STT3B: variants seen among roughly 807,000 people sequenced by gnomAD.
STT3B encodes the protein STT3 oligosaccharyltransferase complex catalytic subunit B.
In STT3B, 29 loss-of-function variants were observed where a neutral mutation model predicts 96.8. That is an observed-to-expected ratio of 0.30 (90% CI 0.22 to 0.41). STT3B has a LOEUF of 0.41. Ranked by LOEUF, STT3B falls within the 10% of genes least tolerant of loss-of-function variation. The probability of loss-of-function intolerance (pLI) is 1.00; values close to 1 mark genes in which losing one functional copy is unlikely to be tolerated. For synonymous variants in STT3B, 367 were observed against 360.0 expected, an observed-to-expected ratio of 1.02 and a Z score of -0.22; for missense variants, 640 against 1,022.3, an observed-to-expected ratio of 0.63 and a Z score of 5.10.
At position 31,622,228 on chromosome 3, in the gene STT3B, G is replaced by A. The variant is rs1490911382; in HGVS notation, c.1459G>A (p.Asp487Asn). 1 of 1,614,154 alleles carries A rather than the reference G, an allele frequency of 6.2e-7. No homozygotes were observed. Among genetic ancestry groups the A allele is most frequent in the Non-Finnish European group, 8.5e-7 (1 of 1,179,980 alleles). ...SNVFEHYLGD[D>N]MKRENPPVED... ...TGTTTTTGAGCACTATTTGGGGGAT[G>A]ACATGAAAAGGGAAAATCCACCTGT... The change falls in exon 10 of 16, where the codon GAC becomes AAC. Residue 487 changes from aspartate to asparagine, a missense_variant. Transcript: ENST00000295770.
chr3:31,559,835 T>G (rs895362723), intron 1 of STT3B, among the ~76,000 whole-genome samples: 1 of 152,170 alleles, frequency 6.6e-6, no homozygotes, highest in African/African-American at 2.4e-5. Flanking sequence ...TTCCATTAAA[T>G]CTAGTAATAT....
Position 31,533,421 on chromosome 3 carries a change from C to G in STT3B, c.314+109C>G, listed in dbSNP as rs1696995587. ...TTGGCCCCGCGCCGCCGCGGAGCCC[C>G]GCTCGCGTCCTGGCTGAGGCCGGCG... is the stretch of plus-strand genomic sequence containing the variant. On this transcript the variant is annotated intron_variant, in intron 1 of 15. Transcript: ENST00000295770. 5 of 1,257,732 alleles carry G rather than the reference C, an allele frequency of 4.0e-6. No individual in the cohort carries two copies. The South Asian group carries it at 9.4e-5, about 24-fold the overall frequency. The allele number at this position is 1,257,732 out of a possible 1,614,324, so 77.9% of individuals were successfully genotyped here.
At chr3:31,634,496 A>G (rs1479523486) in intron 15 of STT3B, among the ~76,000 whole-genome samples, 1 of 152,214 alleles carries the variant, frequency 6.6e-6, no homozygotes, top group East Asian at 1.9e-4. Context: ...GGCCAATAAC[A>G]TATTTTGACA....
At chr3:31,571,563 G>A (rs943631317) in intron 1 of STT3B, among the ~76,000 whole-genome samples, 1 of 152,068 alleles carries the variant, frequency 6.6e-6, no homozygotes, top group Admixed American at 6.6e-5. Context: ...TGGATTACAA[G>A]CATGGGATCT....
At chr3:31,571,127 A>AG (rs1698126551) in intron 1 of STT3B, among the ~76,000 whole-genome samples, 2 of 152,130 alleles carry the variant, frequency 1.3e-5, no homozygotes, top group African/African-American at 4.8e-5. Context: ...AAAATTACAT[A>AG]GGTATTGCTA....
chr3:31,568,868 A>G (rs77372663), intron 1 of STT3B, among the ~76,000 whole-genome samples: 4,018 of 152,258 alleles, frequency 0.026, 178 homozygotes, highest in African/African-American at 0.092. Flanking sequence ...TCCCCTTTTT[A>G]TTTGTAAAAG....
rs757689083 is a variant in STT3B at position 31,579,846 on chromosome 3, A to G, written c.461A>G (p.His154Arg). 1.9e-6 allele frequency: 3 copies of G among 1,613,618 alleles called. No individual in the cohort carries two copies. The highest frequency in any genetic ancestry group is 2.2e-5 in the South Asian group (2 of 91,042). Reference sequence around the variant, plus strand: ...TTGATGATAACCGCTGGCCTTATTCATTGGATTTTAAATACATTGAACATA... The same window carrying G: ...TTGATGATAACCGCTGGCCTTATTCGTTGGATTTTAAATACATTGAACATA... ...PGLMITAGLI[H>R]WILNTLNITV... Residue 154 changes from histidine (H) to arginine (R), a missense_variant, in exon 3 of 16, where the codon CAT becomes CGT. By Grantham distance (29) the His-to-Arg change is conservative. Coordinates refer to ENST00000295770, the MANE Select transcript of STT3B (RefSeq NM_178862.3).
At chr3:31,544,640 G>C (rs1351360195) in intron 1 of STT3B, among the ~76,000 whole-genome samples, 1 of 152,132 alleles carries the variant, frequency 6.6e-6, no homozygotes, top group Non-Finnish European at 1.5e-5. Flanking sequence ...ATCTATTACA[G>C]TGAGCAGGGT....
At chr3:31,630,827 C>T (rs373212262) in intron 14 of STT3B, among the ~76,000 whole-genome samples, 26 of 151,668 alleles carry the variant, frequency 1.7e-4, no homozygotes, top group East Asian at 1.4e-3. Context: ...GAGGGAGTCT[C>T]GCTCTGTCGC....
At chr3:31,607,559 C>T (rs564565975) in intron 5 of STT3B, among the ~76,000 whole-genome samples, 20 of 152,164 alleles carry the variant, frequency 1.3e-4, no homozygotes, top group Non-Finnish European at 2.1e-4. Context: ...TCCTCAGCCA[C>T]ATGGAACTGT....
intron 1 of STT3B, among the ~76,000 whole-genome samples, chr3:31,569,947 G>C (rs920691529): frequency 1.1e-4 from 17 of 151,860 alleles, no homozygotes; most frequent in African/African-American, 3.9e-4. Flanking sequence ...TAGATAATAA[G>C]CTATATCTAC....
intron 8 of STT3B, 107 bp from the exon 9 acceptor site, chr3:31,619,567 AGG>A (rs1232905763): frequency 1.4e-5 from 12 of 848,802 alleles, no homozygotes; most frequent in Non-Finnish European, 1.5e-5. Context: ...TTAAATAAGA[AGG>A]GGTAGGGAGT....
intron 5 of STT3B, among the ~76,000 whole-genome samples, chr3:31,613,676 T>TC (rs1559386601): frequency 6.6e-6 from 1 of 151,896 alleles, no homozygotes; most frequent in East Asian, 1.9e-4. Flanking sequence ...TCTTTTTTTT[T>TC]TCTCTCTCTT....
chr3:31,596,576 A>G (rs1023440708), intron 3 of STT3B, among the ~76,000 whole-genome samples: 1 of 152,206 alleles, frequency 6.6e-6, no homozygotes, highest in South Asian at 2.1e-4. Flanking sequence ...TTTTACTGAA[A>G]ACTACATAAC....
At chr3:31,577,221 C>T (rs1029491396) in intron 2 of STT3B, among the ~76,000 whole-genome samples, 3 of 151,774 alleles carry the variant, frequency 2.0e-5, no homozygotes, top group African/African-American at 7.3e-5. Flanking sequence ...TTATTTTCTT[C>T]TTCTTTTGTG....
intron 1 of STT3B, among the ~76,000 whole-genome samples, chr3:31,536,214 A>C (rs1259501670): frequency 1.3e-5 from 2 of 152,164 alleles, no homozygotes; most frequent in Admixed American, 1.3e-4. Context: ...GGGCTTTTAA[A>C]GCTTTTCGGG....
chr3:31,626,234 G>C lies in STT3B; in HGVS notation c.2073+107G>C, dbSNP rs932235960. 5 of 1,019,818 alleles carry C rather than the reference G, an allele frequency of 4.9e-6. No individual in the cohort carries two copies. The African/African-American group carries it at 6.6e-5, about 13-fold the overall frequency. The allele number at this position is 1,019,818 out of a possible 1,614,324, so 63.2% of individuals were successfully genotyped here. On this transcript the variant is annotated intron_variant, in intron 13 of 15. Transcript: ENST00000295770. ...ATTTGTTTCATCATCCTATCCCTCA[G>C]ATTAGTTCCTTACCCTGGCTTTACT...
intron 1 of STT3B, among the ~76,000 whole-genome samples, chr3:31,555,456 C>G (rs887060181): frequency 6.6e-6 from 1 of 152,052 alleles, no homozygotes; most frequent in Non-Finnish European, 1.5e-5. Flanking sequence ...TACACTTAAT[C>G]AAAACTTAAT....
chr3:31,537,424 G>C (rs1349290134), intron 1 of STT3B, among the ~76,000 whole-genome samples: 1 of 152,058 alleles, frequency 6.6e-6, no homozygotes, highest in East Asian at 1.9e-4. Flanking sequence ...CAGCAGTCCA[G>C]CTGCACTTCA....
Sources: allele counts gnomAD v4.1 joint callset (sites outside exome capture counted in the v4.1 genomes callset), GRCh38; gene constraint gnomAD v4.1.1; transcripts MANE v1.5; gene names NCBI Gene and HGNC (gene_info 2026-07-23, HGNC 2026-07-21).